Variants in KIF5C observed in about 807,000 individuals in gnomAD.
The protein encoded by KIF5C is kinesin heavy chain isoform 5C.
A neutral mutation model predicts 125.2 loss-of-function variants in KIF5C; 18 were observed. That is an observed-to-expected ratio of 0.14 (90% CI 0.10 to 0.21). The LOEUF (loss-of-function observed/expected upper bound fraction) is 0.21. Among genes scored for constraint, KIF5C ranks in the 10% least tolerant of loss-of-function variants. KIF5C has a pLI of 1.00. For synonymous variants in KIF5C, 405 were observed against 434.0 expected (o/e 0.93, Z 0.83); for missense variants, 780 against 1,183.8 (o/e 0.66, Z 5.01).
chr2:149,010,116 C>T lies in KIF5C; in HGVS notation c.2551-19C>T, dbSNP rs887422568. On this transcript the variant is annotated intron_variant, in intron 23 of 25. Transcript: ENST00000435030. ...TGCCTGCCTGGTAGTAACTCCCTTC[C>T]TTTATCCTCCTGCCCCAGCTGGTCC... 5.2e-6 allele frequency: 8 copies of T among 1,534,910 alleles called. No individual in the cohort carries two copies. Among genetic ancestry groups the T allele is most frequent in the Non-Finnish European group, 7.0e-6 (8 of 1,138,302 alleles).
At position 148,931,458 on chromosome 2, in the gene KIF5C, C is replaced by G. The variant is rs557554349; in HGVS notation, c.291+2104C>G. Among the ~76,000 whole-genome samples, 10 of 151,608 alleles carry G rather than the reference C, an allele frequency of 6.6e-5. No homozygotes were observed. The South Asian group carries it at 1.9e-3, about 29-fold the overall frequency. ...AATCCCAGCACATAGGTCAGGAGTTCGAGACCAGCCTGGCTAACATGGCGA... is the reference window on the plus strand; with the variant it reads ...AATCCCAGCACATAGGTCAGGAGTTGGAGACCAGCCTGGCTAACATGGCGA... On this transcript the variant is annotated intron_variant, in intron 3 of 25. Coordinates refer to ENST00000435030, the MANE Select transcript of KIF5C (RefSeq NM_004522.3).
intron 2 of KIF5C, among the ~76,000 whole-genome samples, 184 bp downstream of exon 2, chr2:148,922,411 T>C (rs948413185): frequency 2.0e-5 from 3 of 152,176 alleles, no homozygotes; most frequent in African/African-American, 7.2e-5. Context: ...TTATTTAATC[T>C]CTCTATTCTC....
intron 3 of KIF5C, among the ~76,000 whole-genome samples, chr2:148,929,786 A>G (rs567100004): frequency 6.6e-6 from 1 of 152,244 alleles, no homozygotes; most frequent in South Asian, 2.1e-4. Flanking sequence ...CGTTCAGCCC[A>G]CAGACATATT....
chr2:149,010,055 AG>A, intron 23 of KIF5C, 79 bp from the exon 24 acceptor site: 1 of 1,466,352 alleles, frequency 6.8e-7, no homozygotes, highest in South Asian at 1.4e-5. Flanking sequence ...GTTCAGCAGC[AG>A]GGGCTGCTTC....
At chr2:148,938,604 G>A (rs546432190) in intron 4 of KIF5C, among the ~76,000 whole-genome samples, 21 of 152,218 alleles carry the variant, frequency 1.4e-4, no homozygotes, top group African/African-American at 5.1e-4. Flanking sequence ...CTACATAGGT[G>A]CCCCCCTTGC....
At chr2:148,917,121 G>C (rs1681586512) in intron 1 of KIF5C, among the ~76,000 whole-genome samples, 1 of 152,094 alleles carries the variant, frequency 6.6e-6, no homozygotes, top group Non-Finnish European at 1.5e-5. Context: ...GCCATTGCAT[G>C]CCCTCTGCTT....
At chr2:148,967,368 C>T (rs552966160) in intron 11 of KIF5C, among the ~76,000 whole-genome samples, 73 of 152,310 alleles carry the variant, frequency 4.8e-4, no homozygotes, top group African/African-American at 1.7e-3. Flanking sequence ...TTCAGGGATA[C>T]AGGCAGCAGA....
intron 12 of KIF5C, among the ~76,000 whole-genome samples, chr2:148,976,245 T>TTTTTTTAATTTATTTATTTA (rs1553468292): frequency 7.0e-6 from 1 of 143,876 alleles, no homozygotes; most frequent in African/African-American, 2.6e-5. Context: ...TATTATTTTG[T>TTTTTTTAATTTATTTATTTA]TTTATTTATT....
At chr2:148,941,293 C>T (rs868267611) in intron 4 of KIF5C, among the ~76,000 whole-genome samples, 2 of 152,172 alleles carry the variant, frequency 1.3e-5, no homozygotes, top group South Asian at 4.1e-4. Context: ...GTTTTCTAAG[C>T]GTGCTTGGTG....
Position 148,949,191 on chromosome 2 carries a change from G to A in KIF5C, c.715-648G>A, listed in dbSNP as rs191258156. Among the ~76,000 whole-genome samples, 120 of 152,278 alleles carry A rather than the reference G, an allele frequency of 7.9e-4. 1 individual carries two copies. The highest frequency in any genetic ancestry group is 2.4e-3 in the African/African-American group (101 of 41,542). On this transcript the variant is annotated intron_variant, in intron 8 of 25. Transcript: ENST00000435030. ...TCAAGATGAAATTACCAGCAATAAC[G>A]CAGCAAAGGAGAAACTATGCATGGT...
At position 148,875,575 on chromosome 2, in the gene KIF5C, G is replaced by GCCCCCCCCCCCCCCCCCTCCCCCGGGCCC; in HGVS notation, c.-37_-36insCCCCCCCCCCCTCCCCCGGGCCCCCCCCC. On this transcript the variant is annotated 5_prime_UTR_variant, in exon 1 of 26. Transcript: ENST00000435030. Reference sequence around the variant, plus strand: ...TCCTCCCTCGTCGTTCCCGGCCCCGGCCCCCCACCCATCCCCGTGCCCCCT... The same window carrying GCCCCCCCCCCCCCCCCCTCCCCCGGGCCC: ...TCCTCCCTCGTCGTTCCCGGCCCCGGCCCCCCCCCCCCCCCCCTCCCCCGGGCCCCCCCCCACCCATCCCCGTGCCCCCT... 1.4e-6 allele frequency: 1 copy of GCCCCCCCCCCCCCCCCCTCCCCCGGGCCC among 699,606 alleles called. No individual in the cohort carries two copies. The highest frequency in any genetic ancestry group is 1.8e-5 in the African/African-American group (1 of 55,562). 43.3% of individuals were successfully genotyped at this position (699,606 alleles called of 1,614,324 possible).
At chr2:148,996,134 G>C (rs1010894710) in intron 17 of KIF5C, among the ~76,000 whole-genome samples, 5 of 152,054 alleles carry the variant, frequency 3.3e-5, no homozygotes, top group African/African-American at 9.7e-5. Flanking sequence ...CAGCCTGGGC[G>C]ACAGAACAAG....
chr2:149,010,065 T>A (rs1176791459), intron 23 of KIF5C, 70 bp from the exon 24 acceptor site: 1 of 1,473,418 alleles, frequency 6.8e-7, no homozygotes, highest in East Asian at 2.5e-5. Flanking sequence ...AGGGGCTGCT[T>A]CTGGCTGCTC....
intron 11 of KIF5C, among the ~76,000 whole-genome samples, chr2:148,971,968 C>T (rs1422014022): frequency 6.6e-6 from 1 of 152,112 alleles, no homozygotes; most frequent in Non-Finnish European, 1.5e-5. Flanking sequence ...AAGTCTTGCT[C>T]TTGGCACCCA....
chr2:148,901,070 C>T (rs1225508866), intron 1 of KIF5C, among the ~76,000 whole-genome samples: 1 of 152,190 alleles, frequency 6.6e-6, no homozygotes, highest in East Asian at 1.9e-4. Context: ...GGACATGATA[C>T]AAGTGCCCTG....
chr2:149,000,188 T>C (rs1346083265), intron 19 of KIF5C: 3 of 421,200 alleles, frequency 7.1e-6, no homozygotes, highest in African/African-American at 2.0e-5. Flanking sequence ...ACAAGCAAAC[T>C]ATAAATACAT....
intron 2 of KIF5C, among the ~76,000 whole-genome samples, chr2:148,926,530 C>A (rs975748300): frequency 6.6e-6 from 1 of 152,132 alleles, no homozygotes; most frequent in Non-Finnish European, 1.5e-5. Flanking sequence ...CTGTGGGAGT[C>A]GGATGGAGGT....
At position 149,011,516 on chromosome 2, in the gene KIF5C, T is replaced by C. The variant is rs532646549; in HGVS notation, c.2768-54T>C. ...GGTGACCTGTAGATATCAGGGTTGC[T>C]GTTAAGACTTTTCTAAATGTCTGTT... On this transcript the variant is annotated intron_variant, in intron 24 of 25. Transcript: ENST00000435030. 7.5e-6 allele frequency: 12 copies of C among 1,606,060 alleles called. No homozygotes were observed. In the Admixed American group the frequency reaches 1.7e-4, roughly 22 times the overall value.
intron 10 of KIF5C, among the ~76,000 whole-genome samples, chr2:148,952,478 A>G (rs146707728): frequency 6.6e-6 from 1 of 152,272 alleles, no homozygotes; most frequent in Non-Finnish European, 1.5e-5. Context: ...TCTGACAGCA[A>G]TTATCTCACC....
Sources: allele counts gnomAD v4.1 joint callset (sites outside exome capture counted in the v4.1 genomes callset), GRCh38; gene constraint gnomAD v4.1.1; transcripts MANE v1.5; gene names NCBI Gene and HGNC (gene_info 2026-07-23, HGNC 2026-07-21).